SHTN1: variants seen among roughly 807,000 people sequenced by gnomAD.
SHTN1 encodes shootin-1.
SHTN1 carries 42 observed loss-of-function variants against 83.1 expected under a neutral mutation model. That is an observed-to-expected ratio of 0.51 (90% CI 0.39 to 0.65). The LOEUF is 0.65. Among genes scored for constraint, SHTN1 ranks in the 30% least tolerant of loss-of-function variants. The pLI, the probability that SHTN1 is intolerant of heterozygous loss-of-function variation, is 0.00. For missense variants in SHTN1, 622 were observed against 737.8 expected (o/e 0.84, Z 1.82); for synonymous variants, 224 against 247.7 (o/e 0.90, Z 0.90).
chr10:116,895,696 T>A (rs536205046), intron 16 of SHTN1, among the ~76,000 whole-genome samples: 2 of 152,306 alleles, frequency 1.3e-5, no homozygotes, highest in East Asian at 3.9e-4. Context: ...TCTCCTTCCT[T>A]AAGCTCTTAA....
At chr10:116,970,566 T>C (rs1850579466) in intron 2 of SHTN1, among the ~76,000 whole-genome samples, 1 of 151,986 alleles carries the variant, frequency 6.6e-6, no homozygotes. Flanking sequence ...ATACAAAAGT[T>C]AGCTGGGCGT....
At chr10:117,013,890 A>AAT (rs926272530) in intron 2 of SHTN1, among the ~76,000 whole-genome samples, 1 of 152,164 alleles carries the variant, frequency 6.6e-6, no homozygotes, top group African/African-American at 2.4e-5. Flanking sequence ...TGAATGAACA[A>AAT]ATATATATAT....
intron 2 of SHTN1, among the ~76,000 whole-genome samples, chr10:117,035,802 C>T (rs1461160272): frequency 3.1e-5 from 3 of 97,288 alleles, no homozygotes; most frequent in Non-Finnish European, 4.6e-5. Context: ...AAAAATTAGC[C>T]GGGTGTGGTA....
At chr10:117,054,152 C>T (rs1271150401) in intron 1 of SHTN1, among the ~76,000 whole-genome samples, 2 of 152,100 alleles carry the variant, frequency 1.3e-5, no homozygotes, top group Non-Finnish European at 2.9e-5. Context: ...AAATTGAATT[C>T]CCTGCCACCA....
intron 1 of SHTN1, among the ~76,000 whole-genome samples, chr10:117,064,329 C>CA (rs1402706224): frequency 6.6e-6 from 1 of 152,218 alleles, no homozygotes; most frequent in African/African-American, 2.4e-5. Flanking sequence ...TACCCACTCT[C>CA]AGACACATTG....
At chr10:117,048,441 C>A (rs1390616380) in intron 2 of SHTN1, 11 of 983,184 alleles carry the variant, frequency 1.1e-5, no homozygotes, top group Non-Finnish European at 1.3e-5. Context: ...GTCTTGTTAC[C>A]TACCCCCTTC....
At chr10:116,906,561 AAG>A in intron 15 of SHTN1, 64 bp downstream of exon 15, 5 of 1,479,088 alleles carry the variant, frequency 3.4e-6, no homozygotes, top group Non-Finnish European at 4.5e-6. Context: ...TTCATGTAAA[AAG>A]AGACTTAGAA....
At chr10:116,979,369 G>A (rs1474586205) in intron 1 of SHTN1, 61 bp from the exon 2 acceptor site, 8 of 1,397,186 alleles carry the variant, frequency 5.7e-6, no homozygotes, top group South Asian at 1.2e-5. Flanking sequence ...AGGGCAACCT[G>A]GGGAATCCAA....
intron 1 of SHTN1, among the ~76,000 whole-genome samples, chr10:117,118,791 G>C (rs1373791548): frequency 6.6e-6 from 1 of 152,150 alleles, no homozygotes; most frequent in African/African-American, 2.4e-5. Flanking sequence ...ATGGGTCTGG[G>C]AGGAGGGAGA....
intron 2 of SHTN1, among the ~76,000 whole-genome samples, chr10:117,031,883 G>A (rs1852420433): frequency 6.6e-6 from 1 of 151,988 alleles, no homozygotes; most frequent in Non-Finnish European, 1.5e-5. Context: ...TAACAAAACG[G>A]CAGGAGTAAA....
intron 14 of SHTN1, chr10:116,911,416 C>T: frequency 6.6e-7 from 1 of 1,519,342 alleles, no homozygotes; most frequent in African/African-American, 1.4e-5. Context: ...TAGGATTCTC[C>T]TTTTAGGCTT....
chr10:117,123,653 C>T (rs1410238618), intron 1 of SHTN1, among the ~76,000 whole-genome samples: 1 of 151,514 alleles, frequency 6.6e-6, no homozygotes, highest in Non-Finnish European at 1.5e-5. Context: ...GCCTGTAATC[C>T]CAACACCTTG....
At chr10:116,911,746 T>G (rs1564872408) in intron 14 of SHTN1, 44 bp downstream of exon 14, 1 of 1,578,608 alleles carries the variant, frequency 6.3e-7, no homozygotes. Context: ...TACTCTCCTT[T>G]CATTTCCCCA....
intron 7 of SHTN1, among the ~76,000 whole-genome samples, chr10:116,947,433 G>C (rs1849634963): frequency 6.6e-6 from 1 of 152,162 alleles, no homozygotes. Flanking sequence ...GCTGCGTAAT[G>C]ACATAGAATT....
chr10:116,933,496 C>T (rs112207299), intron 9 of SHTN1, among the ~76,000 whole-genome samples: 146 of 152,234 alleles, frequency 9.6e-4, no homozygotes, highest in Middle Eastern at 3.4e-3. Flanking sequence ...AGGACACGAA[C>T]GCATCCTTTT....
chr10:116,945,228 A>G (rs996146307), intron 7 of SHTN1, among the ~76,000 whole-genome samples: 2 of 152,242 alleles, frequency 1.3e-5, no homozygotes, highest in Non-Finnish European at 2.9e-5. Flanking sequence ...CACTTTGAAT[A>G]ATCCCACTTC....
At chr10:117,026,246 T>G (rs562900797) in intron 2 of SHTN1, among the ~76,000 whole-genome samples, 1 of 152,288 alleles carries the variant, frequency 6.6e-6, no homozygotes, top group African/African-American at 2.4e-5. Context: ...TGAAAAGCCC[T>G]TCAGCCTTAG....
At chr10:116,892,481 C>T (rs1421000845) in intron 16 of SHTN1, among the ~76,000 whole-genome samples, 1 of 152,098 alleles carries the variant, frequency 6.6e-6, no homozygotes, top group Non-Finnish European at 1.5e-5. Context: ...TATTAAAAGC[C>T]ATGTTATTTA....
At chr10:116,923,408 T>TATTTGCA (rs915685584) in intron 11 of SHTN1, among the ~76,000 whole-genome samples, 8 of 152,216 alleles carry the variant, frequency 5.3e-5, no homozygotes, top group Admixed American at 4.6e-4. Context: ...TGGTGAACTG[T>TATTTGCA]ATTTGCAAAA....
Sources: gnomAD v4.1 joint callset for allele counts (sites outside exome capture counted in the v4.1 genomes callset) on GRCh38, gnomAD v4.1.1 for gene constraint, MANE v1.5 for transcripts, NCBI Gene and HGNC (gene_info 2026-07-23, HGNC 2026-07-21) for gene names.